The following TMEM135 variants were observed in gnomAD, a reference collection of about 807,000 sequenced individuals.
TMEM135 encodes peroxisomal membrane protein 52.
TMEM135 carries 30 observed loss-of-function variants against 60.3 expected under a neutral mutation model. That is an observed-to-expected ratio of 0.50 (90% CI 0.37 to 0.68). TMEM135 has a LOEUF of 0.68. Among genes scored for constraint, TMEM135 ranks in the 30% least tolerant of loss-of-function variants. The pLI, the probability that TMEM135 is intolerant of heterozygous loss-of-function variation, is 0.00. For synonymous variants in TMEM135, 190 were observed against 186.7 expected (o/e 1.02, Z -0.14); for missense variants, 468 against 548.8 (o/e 0.85, Z 1.47).
intron 1 of TMEM135, among the ~76,000 whole-genome samples, chr11:87,057,385 T>C (rs1456248229): frequency 6.6e-6 from 1 of 152,184 alleles, no homozygotes; most frequent in Non-Finnish European, 1.5e-5. Context: ...TTCCCACATA[T>C]ATTATTAACA....
At chr11:87,254,278 A>G (rs1248444881) in intron 6 of TMEM135, among the ~76,000 whole-genome samples, 3 of 152,212 alleles carry the variant, frequency 2.0e-5, no homozygotes, top group Non-Finnish European at 4.4e-5. Context: ...AAGGATTAGA[A>G]GTAAAATTTT....
chr11:87,074,201 G>C (rs1039677282), intron 3 of TMEM135, among the ~76,000 whole-genome samples: 3 of 152,146 alleles, frequency 2.0e-5, no homozygotes, highest in African/African-American at 7.2e-5. Context: ...CCCAACCTCA[G>C]GTGATCAGCC....
chr11:87,318,078 C>G (rs146021323), intron 12 of TMEM135, 59 bp from the exon 13 acceptor site: 2 of 1,344,056 alleles, frequency 1.5e-6, no homozygotes, highest in Non-Finnish European at 2.1e-6. Flanking sequence ...CAATGCTCAA[C>G]TATGTTTTTA....
At chr11:87,236,315 T>A (rs1940994336) in intron 5 of TMEM135, among the ~76,000 whole-genome samples, 1 of 151,942 alleles carries the variant, frequency 6.6e-6, no homozygotes, top group Admixed American at 6.6e-5. Flanking sequence ...AAAAATTGTC[T>A]TGGGCCATAC....
intron 5 of TMEM135, among the ~76,000 whole-genome samples, chr11:87,182,855 T>A (rs1040555940): frequency 4.6e-5 from 7 of 152,112 alleles, no homozygotes; most frequent in African/African-American, 1.2e-4. Context: ...ATTTTAAATG[T>A]GATTTTCTTT....
rs934528255 is a variant in TMEM135, at chr11:87,326,930, T to C, written c.*5597T>C. On this transcript the variant is annotated 3_prime_UTR_variant, in exon 15 of 15. Coordinates refer to ENST00000305494, the MANE Select transcript of TMEM135 (RefSeq NM_022918.4). Reference sequence around the variant, plus strand: ...GAGGACCTTTTTTTTTTTTTTTTTTTCACTAAAACGCTTCCTATAACTTGG... The same window carrying C: ...GAGGACCTTTTTTTTTTTTTTTTTTCCACTAAAACGCTTCCTATAACTTGG... 36 of 389,022 alleles carry C rather than the reference T, an allele frequency of 9.3e-5. No homozygotes were observed. The highest frequency in any genetic ancestry group is 3.1e-4 in the African/African-American group (13 of 42,294). The allele number at this position is 389,022 out of a possible 1,614,324, so 24.1% of individuals were successfully genotyped here. A position where few individuals can be genotyped will look rare whatever the true frequency, so the allele number is the denominator to read the frequency against.
intron 4 of TMEM135, among the ~76,000 whole-genome samples, chr11:87,134,790 A>AG: frequency 6.6e-6 from 1 of 152,250 alleles, no homozygotes; most frequent in South Asian, 2.1e-4. Flanking sequence ...CCAGCTGTAT[A>AG]GCTTTAGTAT....
intron 5 of TMEM135, among the ~76,000 whole-genome samples, chr11:87,159,645 A>C (rs1419202334): frequency 7.2e-6 from 1 of 138,632 alleles, no homozygotes; most frequent in Non-Finnish European, 1.6e-5. Flanking sequence ...CGGTTGGCTA[A>C]ATGCTATGGA....
At chr11:87,094,848 G>C (rs996490122) in intron 4 of TMEM135, 4 of 166,274 alleles carry the variant, frequency 2.4e-5, no homozygotes, top group African/African-American at 9.6e-5. Context: ...TTGTAACATA[G>C]GATTTTGAAA....
At chr11:87,292,636 A>G (rs866275875) in intron 6 of TMEM135, among the ~76,000 whole-genome samples, 40 of 152,208 alleles carry the variant, frequency 2.6e-4, no homozygotes, top group South Asian at 2.1e-4. Context: ...ATGTGGGATC[A>G]TATTACTATT....
At chr11:87,076,690 T>C (rs572951035) in intron 3 of TMEM135, among the ~76,000 whole-genome samples, 1 of 152,350 alleles carries the variant, frequency 6.6e-6, no homozygotes, top group Admixed American at 6.5e-5. Context: ...GGCTACGGCA[T>C]ACTCCTTGGG....
At chr11:87,093,697 A>AT (rs1216995663) in intron 4 of TMEM135, among the ~76,000 whole-genome samples, 1 of 150,814 alleles carries the variant, frequency 6.6e-6, no homozygotes, top group Non-Finnish European at 1.5e-5. Context: ...CGCCTGGCTA[A>AT]TTTTTTCTGT....
chr11:87,057,006 G>A (rs1949900402), intron 1 of TMEM135, among the ~76,000 whole-genome samples: 1 of 152,078 alleles, frequency 6.6e-6, no homozygotes, highest in South Asian at 2.1e-4. Context: ...TAAAGTTGTA[G>A]TGCTGCCTGG....
At position 87,282,059 on chromosome 11, in the gene TMEM135, G is replaced by A. The variant is rs556607914; in HGVS notation, c.510-13723G>A. Among the ~76,000 whole-genome samples, 14 of 152,334 alleles carry A rather than the reference G, an allele frequency of 9.2e-5. No homozygotes were observed. The South Asian group carries it at 2.9e-3, about 32-fold the overall frequency. On this transcript the variant is annotated intron_variant, in intron 6 of 14. Coordinates refer to ENST00000305494, the MANE Select transcript of TMEM135 (RefSeq NM_022918.4). ...TGTTAAAACACAAGTTGCAGAGATT[G>A]TTGGGCCCCACACTTAGAATTTCTG...
At chr11:87,178,679 G>A (rs1242472414) in intron 5 of TMEM135, 4 of 358,358 alleles carry the variant, frequency 1.1e-5, no homozygotes, top group Non-Finnish European at 2.2e-5. Flanking sequence ...GCCTGTCTCG[G>A]CCTCCCAAAT....
At chr11:87,215,116 A>G (rs1421790231) in intron 5 of TMEM135, among the ~76,000 whole-genome samples, 1 of 152,162 alleles carries the variant, frequency 6.6e-6, no homozygotes, top group Non-Finnish European at 1.5e-5. Context: ...TATTTAGAAC[A>G]TACTAAACAA....
intron 6 of TMEM135, among the ~76,000 whole-genome samples, chr11:87,283,679 G>A (rs557155683): frequency 3.4e-4 from 52 of 152,254 alleles, no homozygotes; most frequent in African/African-American, 9.4e-4. Context: ...CCAAGATGGT[G>A]AAACCCTGTT....
intron 5 of TMEM135, among the ~76,000 whole-genome samples, chr11:87,165,435 G>T (rs1378433309): frequency 1.5e-5 from 2 of 134,908 alleles, no homozygotes; most frequent in Non-Finnish European, 3.1e-5. Context: ...TGCTGGATTC[G>T]GTTTGCCAGT....
intron 6 of TMEM135, among the ~76,000 whole-genome samples, chr11:87,285,167 C>G (rs1052079843): frequency 6.6e-6 from 1 of 152,144 alleles, no homozygotes; most frequent in Non-Finnish European, 1.5e-5. Flanking sequence ...AATTGTTGAT[C>G]ATGTGTCAAA....
Sources: allele counts gnomAD v4.1 joint callset (sites outside exome capture counted in the v4.1 genomes callset), GRCh38; gene constraint gnomAD v4.1.1; transcripts MANE v1.5; gene names NCBI Gene and HGNC (gene_info 2026-07-23, HGNC 2026-07-21).